Variants in TBL1X observed in about 807,000 individuals in gnomAD.
TBL1X encodes the protein transducin beta like 1 X-linked, also known as F-box-like/WD repeat-containing protein TBL1X.
TBL1X carries 10 observed loss-of-function variants against 50.7 expected under a neutral mutation model. The ratio of observed to expected loss-of-function variants is 0.20; its 90% CI spans 0.12 to 0.33. The LOEUF is 0.33. Ranked by LOEUF, TBL1X falls within the 10% of genes least tolerant of loss-of-function variation. The probability of loss-of-function intolerance (pLI) is 1.00; values close to 1 mark genes in which losing one functional copy is unlikely to be tolerated. For missense variants in TBL1X, 340 were observed against 504.4 expected (o/e 0.67, Z 3.12); for synonymous variants, 190 against 214.7 (o/e 0.88, Z 1.01).
chrX:9,641,744 T>C (rs1373337843), intron 3 of TBL1X, among the ~76,000 whole-genome samples: 1 of 112,692 alleles, frequency 8.9e-6, no homozygotes, highest in Non-Finnish European at 1.9e-5. Context: ...TTTCACTCAG[T>C]ATAATGTTTT....
chrX:9,609,428 G>GTA (rs1471468638), intron 2 of TBL1X, among the ~76,000 whole-genome samples: 14 of 107,582 alleles, frequency 1.3e-4, no homozygotes, highest in African/African-American at 4.1e-4. Context: ...GTGTGTGTGT[G>GTA]TGTGTCCTGC....
chrX:9,526,604 CAG>C (rs1157349351), intron 2 of TBL1X, among the ~76,000 whole-genome samples: 3 of 111,147 alleles, frequency 2.7e-5, no homozygotes, highest in African/African-American at 9.9e-5. Flanking sequence ...TGTAAGGGAC[CAG>C]AGAGTATGGA....
chrX:9,542,086 C>A (rs2082217900), intron 2 of TBL1X, among the ~76,000 whole-genome samples: 1 of 111,106 alleles, frequency 9.0e-6, no homozygotes, highest in Non-Finnish European at 1.9e-5. Flanking sequence ...TAGCGATTTA[C>A]AAGTTGTTAC....
At chrX:9,712,941 AG>A (rs34994844) in intron 16 of TBL1X, among the ~76,000 whole-genome samples, 41,847 of 103,115 alleles carry the variant, frequency 0.41, 6,368 homozygotes, top group East Asian at 0.72. Flanking sequence ...TCGCCTCAGG[AG>A]GGGAGGAATC....
chrX:9,680,737 A>G (rs888858175), intron 5 of TBL1X, among the ~76,000 whole-genome samples: 5 of 111,827 alleles, frequency 4.5e-5, no homozygotes, highest in Non-Finnish European at 7.5e-5. Context: ...TCTGTTAACC[A>G]TGGCATGGAA....
chrX:9,544,466 A>G (rs1428428471), intron 2 of TBL1X, among the ~76,000 whole-genome samples: 1 of 111,884 alleles, frequency 8.9e-6, no homozygotes, highest in East Asian at 2.8e-4. Flanking sequence ...GGCGTGGTAC[A>G]AATGCAAAGT....
chrX:9,463,838 G>C (rs770072911), upstream of TBL1X, among the ~76,000 whole-genome samples: 2 of 112,421 alleles, frequency 1.8e-5, no homozygotes, highest in East Asian at 5.6e-4. Context: ...AGGTTGCAAT[G>C]AGCCGACAGC....
intron 1 of TBL1X, among the ~76,000 whole-genome samples, chrX:9,494,099 T>C (rs186679643): frequency 4.5e-5 from 5 of 112,030 alleles, no homozygotes; most frequent in African/African-American, 1.6e-4. Flanking sequence ...CTGCCAGTGC[T>C]GAGAGCTGCA....
chrX:9,504,830 G>A (rs143977038), intron 2 of TBL1X, among the ~76,000 whole-genome samples: 2,565 of 111,761 alleles, frequency 0.023, 68 homozygotes, highest in African/African-American at 0.078. Context: ...CTGAACCTAC[G>A]ATTGAGTGGA....
At chrX:9,467,225 G>A (rs2146918836) in intron 1 of TBL1X, among the ~76,000 whole-genome samples, 1 of 111,469 alleles carries the variant, frequency 9.0e-6, no homozygotes, top group African/African-American at 3.3e-5. Flanking sequence ...GCGGGAAAAT[G>A]GTCCCTGCAG....
chrX:9,636,064 A>G (rs1472915725), intron 2 of TBL1X, among the ~76,000 whole-genome samples: 1 of 112,156 alleles, frequency 8.9e-6, no homozygotes, highest in Non-Finnish European at 1.9e-5. Context: ...AAGAGGTCAC[A>G]TATTGTATGA....
rs1259825463 is a variant in TBL1X at position 9,690,818 on chromosome X, T to C, written c.617-761T>C. ...ATCATAGCTCACTACAGCCTCAATCTCTTGGGCTCAAGTGATCCTCCCACC... is the reference window on the plus strand; with the variant it reads ...ATCATAGCTCACTACAGCCTCAATCCCTTGGGCTCAAGTGATCCTCCCACC... On this transcript the variant is annotated intron_variant, in intron 7 of 17. Coordinates refer to ENST00000645353, the MANE Select transcript of TBL1X (RefSeq NM_005647.4). 1.1e-4 allele frequency among the ~76,000 whole-genome samples: 12 copies of C among 111,512 alleles called. No homozygotes were observed. In the Admixed American group the frequency reaches 1.1e-3, roughly 11 times the overall value.
chrX:9,714,648 A>G (rs964647478), intron 16 of TBL1X, among the ~76,000 whole-genome samples: 40 of 112,409 alleles, frequency 3.6e-4, no homozygotes, highest in African/African-American at 1.2e-3. Flanking sequence ...ATCAGTCCTC[A>G]GCTGGGTGCA....
intron 2 of TBL1X, among the ~76,000 whole-genome samples, chrX:9,541,942 CTT>C (rs747084885): frequency 9.5e-5 from 9 of 95,238 alleles, no homozygotes; most frequent in Non-Finnish European, 6.4e-5. Flanking sequence ...TTTCTTTTTT[CTT>C]TTTTTTTTTT....
At chrX:9,497,846 TC>T (rs1357756144) in intron 1 of TBL1X, among the ~76,000 whole-genome samples, 9 of 95,745 alleles carry the variant, frequency 9.4e-5, no homozygotes, top group Admixed American at 2.4e-4. Context: ...TTTCTTTCTC[TC>T]TCTCTCTGTC....
intron 2 of TBL1X, among the ~76,000 whole-genome samples, chrX:9,606,877 C>T (rs2082586238): frequency 8.9e-6 from 1 of 112,255 alleles, no homozygotes; most frequent in Non-Finnish European, 1.9e-5. Context: ...TGCTGTCTCT[C>T]TATGTTCCTT....
chrX:9,711,831 A>G, intron 16 of TBL1X, 55 bp downstream of exon 16: 1 of 1,128,005 alleles, frequency 8.9e-7, no homozygotes, highest in Non-Finnish European at 1.2e-6. Context: ...CCAAATAGCC[A>G]CGACTCCAGT....
intron 2 of TBL1X, among the ~76,000 whole-genome samples, chrX:9,542,617 T>C (rs2082220507): frequency 9.0e-6 from 1 of 110,651 alleles, no homozygotes; most frequent in African/African-American, 3.4e-5. Context: ...GCGGGCAGCG[T>C]TGCCTTCGCA....
chrX:9,558,531 A>G (rs2082310842), intron 2 of TBL1X, among the ~76,000 whole-genome samples: 1 of 108,338 alleles, frequency 9.2e-6, no homozygotes, highest in Non-Finnish European at 1.9e-5. Context: ...AAAAAAAGGA[A>G]GGAAAAAAAA....
Sources: allele counts gnomAD v4.1 joint callset (sites outside exome capture counted in the v4.1 genomes callset), GRCh38; gene constraint gnomAD v4.1.1; transcripts MANE v1.5; gene names NCBI Gene and HGNC (gene_info 2026-07-23, HGNC 2026-07-21).